SLC17A1: variants seen among roughly 807,000 people sequenced by gnomAD.
The protein encoded by SLC17A1 is solute carrier family 17 member 1.
Under a neutral mutation model 53.5 loss-of-function variants are expected in SLC17A1, and 51 were observed. The ratio of observed to expected loss-of-function variants is 0.95; its 90% CI spans 0.76 to 1.20. The LOEUF is 1.20. Among genes scored for constraint, SLC17A1 ranks in the 50% most tolerant of loss-of-function variants. The probability of loss-of-function intolerance (pLI) is 0.00; values close to 1 mark genes in which losing one functional copy is unlikely to be tolerated. For synonymous variants in SLC17A1, 179 were observed against 198.8 expected, an observed-to-expected ratio of 0.90 and a Z score of 0.84; for missense variants, 538 against 568.2, an observed-to-expected ratio of 0.95 and a Z score of 0.54.
the SLC17A1 span, among the ~76,000 whole-genome samples, chr6:25,745,409 C>T: frequency 3.9e-5 from 6 of 152,146 alleles, no homozygotes; most frequent in African/African-American, 1.4e-4. Context: ...TTGTTAAAAA[C>T]ATACCAGCAC....
At chr6:25,768,964 T>C in the SLC17A1 span, 4 of 1,611,564 alleles carry the variant, frequency 2.5e-6, no homozygotes, top group Non-Finnish European at 3.4e-6. Flanking sequence ...ATTGTGATTT[T>C]TCATGCCCTT....
At chr6:25,726,888 C>G in the SLC17A1 span, 13 of 1,601,806 alleles carry the variant, frequency 8.1e-6, no homozygotes, top group Non-Finnish European at 1.1e-5. Context: ...CCGTGTAACG[C>G]TGCAGAAGTG....
intron 10 of SLC17A1, among the ~76,000 whole-genome samples, chr6:25,807,772 C>G (rs903073215): frequency 6.6e-5 from 10 of 152,070 alleles, no homozygotes; most frequent in African/African-American, 2.4e-4. Context: ...CAACTTCATC[C>G]AGGTTACTGT....
intron 10 of SLC17A1, among the ~76,000 whole-genome samples, chr6:25,805,456 C>A: frequency 6.6e-6 from 1 of 151,816 alleles, no homozygotes; most frequent in Non-Finnish European, 1.5e-5. Context: ...TAATGTCACA[C>A]CTCAAGGAAC....
At chr6:25,808,629 A>G (rs568161951) in intron 10 of SLC17A1, among the ~76,000 whole-genome samples, 1 of 152,068 alleles carries the variant, frequency 6.6e-6, no homozygotes, top group African/African-American at 2.4e-5. Context: ...AGACATACAA[A>G]TGGACAATAA....
At chr6:25,792,922 A>G (rs1763533444) in intron 12 of SLC17A1, among the ~76,000 whole-genome samples, 1 of 151,834 alleles carries the variant, frequency 6.6e-6, no homozygotes, top group Admixed American at 6.6e-5. Flanking sequence ...CCCTGCCTCT[A>G]CTCTTGTTTT....
chr6:25,820,677 G>A (rs545922329), intron 3 of SLC17A1, among the ~76,000 whole-genome samples: 1 of 151,968 alleles, frequency 6.6e-6, no homozygotes, highest in South Asian at 2.1e-4. Context: ...TCAGGAGATC[G>A]AGACCATCCT....
At position 25,783,003 on chromosome 6, in the gene SLC17A1, C is replaced by T. The variant is rs1442307174; in HGVS notation, c.*218G>A. 2 of 152,042 alleles carry T rather than the reference C, an allele frequency of 1.3e-5. No homozygotes were observed. Among genetic ancestry groups the T allele is most frequent in the African/African-American group, 4.8e-5 (2 of 41,360 alleles). The allele number at this position is 152,042 out of a possible 1,614,324, so 9.4% of individuals were successfully genotyped here. On this transcript the variant is annotated 3_prime_UTR_variant, in exon 13 of 13. Transcript: ENST00000244527. ...AGGAAGACTGAGATAAATCACCACCCCCATTTAAAATTCAGATATATTACA... is the reference window on the plus strand; with the variant it reads ...AGGAAGACTGAGATAAATCACCACCTCCATTTAAAATTCAGATATATTACA...
chr6:25,772,318 A>T, the SLC17A1 span, among the ~76,000 whole-genome samples: 1 of 152,144 alleles, frequency 6.6e-6, no homozygotes, highest in Non-Finnish European at 1.5e-5. Context: ...CAACATTGCT[A>T]ATTTTCATAT....
At chr6:25,756,693 T>G in the SLC17A1 span, among the ~76,000 whole-genome samples, 1 of 152,142 alleles carries the variant, frequency 6.6e-6, no homozygotes, top group Non-Finnish European at 1.5e-5. Flanking sequence ...TTATAATAAG[T>G]AAAAGGAGAG....
At chr6:25,801,006 A>C in intron 10 of SLC17A1, 26 bp from the exon 11 acceptor site, 2 of 1,226,330 alleles carry the variant, frequency 1.6e-6, no homozygotes, top group Non-Finnish European at 2.4e-6. Flanking sequence ...TAATACACAA[A>C]TGTAAAGTAG....
chr6:25,827,350 T>A (rs1034700801), intron 2 of SLC17A1, among the ~76,000 whole-genome samples: 19 of 152,140 alleles, frequency 1.2e-4, no homozygotes, highest in Non-Finnish European at 5.9e-5. Flanking sequence ...AATGGACATA[T>A]CATGGTATGT....
chr6:25,737,205 G>A, the SLC17A1 span, among the ~76,000 whole-genome samples: 1 of 152,126 alleles, frequency 6.6e-6, no homozygotes, highest in African/African-American at 2.4e-5. Context: ...AATTACTCTT[G>A]TAAATAATGT....
At chr6:25,778,660 A>G (rs1220891087), downstream of SLC17A1, among the ~76,000 whole-genome samples, 1 of 152,232 alleles carries the variant, frequency 6.6e-6, no homozygotes, top group African/African-American at 2.4e-5. Flanking sequence ...GAAGTAAAAT[A>G]TATGACATAT....
Position 25,819,582 on chromosome 6 carries a change from G to A in SLC17A1, c.458C>T (p.Ala153Val), listed in dbSNP as rs774818692. The change falls in exon 5 of 13, where the codon GCC becomes GTC. Residue 153 changes from alanine (A) to valine (V), a missense_variant. Transcript: ENST00000244527. ...CCATTTGACATATATTTCAAACTGG[G>A]CTGTTGCAACTATCCCCTGAAATGA... Reference protein sequence around the residue: ...QGAAQGIVATAQFEIYVKWAP... With the variant: ...QGAAQGIVATVQFEIYVKWAP... 6.2e-7 allele frequency: 1 copy of A among 1,614,022 alleles called. No individual in the cohort carries two copies. Among genetic ancestry groups the A allele is most frequent in the Non-Finnish European group, 8.5e-7 (1 of 1,179,898 alleles).
At chr6:25,778,334 C>T (rs370661121), downstream of SLC17A1, among the ~76,000 whole-genome samples, 221 of 151,716 alleles carry the variant, frequency 1.5e-3, no homozygotes, top group African/African-American at 5.1e-3. Context: ...AATGACTTTC[C>T]TGTGGTTTTT....
At chr6:25,768,607 T>C in the SLC17A1 span, among the ~76,000 whole-genome samples, 1 of 151,842 alleles carries the variant, frequency 6.6e-6, no homozygotes, top group Non-Finnish European at 1.5e-5. Flanking sequence ...AACTTGGGAG[T>C]CATCTCCAGC....
the SLC17A1 span, chr6:25,776,842 C>T: frequency 1.2e-5 from 20 of 1,613,872 alleles, no homozygotes; most frequent in Non-Finnish European, 1.6e-5. Flanking sequence ...ATCCTCGTGT[C>T]CCTGCCCTGG....
At chr6:25,805,166 A>G (rs1763912283) in intron 10 of SLC17A1, among the ~76,000 whole-genome samples, 1 of 152,094 alleles carries the variant, frequency 6.6e-6, no homozygotes, top group Non-Finnish European at 1.5e-5. Flanking sequence ...TTTAAAATTG[A>G]TCAAGTATCT....
Sources: gnomAD v4.1 joint callset for allele counts (sites outside exome capture counted in the v4.1 genomes callset) on GRCh38, gnomAD v4.1.1 for gene constraint, MANE v1.5 for transcripts, NCBI Gene and HGNC (gene_info 2026-07-23, HGNC 2026-07-21) for gene names.